ADK: variants seen among roughly 807,000 people sequenced by gnomAD.
The protein encoded by ADK is adenosine kinase, also known as N6,N6-dimethyladenosine kinase.
ADK carries 24 observed loss-of-function variants against 44.7 expected under a neutral mutation model. The observed-to-expected ratio is 0.54, with a 90% CI of 0.39 to 0.76. The LOEUF (loss-of-function observed/expected upper bound fraction) is 0.76, where lower values mean the gene tolerates loss of function less well. Ranked by LOEUF, ADK falls within the 30% of genes least tolerant of loss-of-function variation. ADK has a pLI of 0.00. For synonymous variants in ADK, 128 were observed against 142.6 expected, an observed-to-expected ratio of 0.90 and a Z score of 0.73; for missense variants, 321 against 425.1, an observed-to-expected ratio of 0.76 and a Z score of 2.15.
chr10:74,350,964 A>G (rs1365303456), intron 4 of ADK, among the ~76,000 whole-genome samples: 1 of 152,210 alleles, frequency 6.6e-6, no homozygotes, highest in Non-Finnish European at 1.5e-5. Context: ...AAAGCCCAGG[A>G]CCATACAGAT....
chr10:74,685,768 G>C (rs962660531), intron 10 of ADK, among the ~76,000 whole-genome samples: 1 of 152,124 alleles, frequency 6.6e-6, no homozygotes, highest in Non-Finnish European at 1.5e-5. Flanking sequence ...GAGAGAGCTC[G>C]TTGGATGGGG....
intron 7 of ADK, among the ~76,000 whole-genome samples, chr10:74,541,493 T>C (rs1849624376): frequency 6.6e-6 from 1 of 152,208 alleles, no homozygotes; most frequent in Admixed American, 6.5e-5. Flanking sequence ...TCTTTGTCTT[T>C]ATGACCATGA....
At position 74,708,599 on chromosome 10, in the gene ADK, C is replaced by T; in HGVS notation, c.*154C>T. ...TAGAGGGTACAAGGGTATGGTAATG[C>T]TTGTAGAATCTTTATTATCTCAACA... is the stretch of plus-strand genomic sequence containing the variant. On this transcript the variant is annotated 3_prime_UTR_variant, in exon 11 of 11. Transcript: ENST00000539909. 1 of 778,080 alleles carries T rather than the reference C, an allele frequency of 1.3e-6. No individual in the cohort carries two copies. 48.2% of individuals were successfully genotyped at this position (778,080 alleles called of 1,614,324 possible).
At chr10:74,490,041 A>G (rs182029993) in intron 6 of ADK, among the ~76,000 whole-genome samples, 5 of 151,974 alleles carry the variant, frequency 3.3e-5, no homozygotes, top group African/African-American at 9.7e-5. Flanking sequence ...AAAGCATTGG[A>G]GCATGTAACC....
chr10:74,637,998 C>T (rs962711811), intron 9 of ADK, among the ~76,000 whole-genome samples: 1 of 152,146 alleles, frequency 6.6e-6, no homozygotes, highest in African/African-American at 2.4e-5. Flanking sequence ...AAGGAAATGA[C>T]TTTCATCTTA....
intron 7 of ADK, chr10:74,527,908 G>A: frequency 2.5e-6 from 2 of 804,244 alleles, no homozygotes. Flanking sequence ...GATTGTGAAA[G>A]CTGTCATCTA....
chr10:74,533,017 A>G (rs1356444286), intron 7 of ADK, among the ~76,000 whole-genome samples: 2 of 151,854 alleles, frequency 1.3e-5, no homozygotes, highest in Admixed American at 6.6e-5. Context: ...ATTTTTCTAT[A>G]TTAGCAAGAA....
intron 7 of ADK, among the ~76,000 whole-genome samples, chr10:74,573,566 G>A (rs1439675915): frequency 6.6e-6 from 1 of 152,230 alleles, no homozygotes; most frequent in Non-Finnish European, 1.5e-5. Context: ...AGTCTGCAGA[G>A]GTTACTGCTG....
chr10:74,266,464 G>C (rs1480254759), intron 3 of ADK, among the ~76,000 whole-genome samples: 1 of 152,100 alleles, frequency 6.6e-6, no homozygotes, highest in East Asian at 1.9e-4. Context: ...GGCTGAGGCA[G>C]AGAATTGCTT....
At chr10:74,280,415 A>AACACACACACACAC (rs71021599) in intron 3 of ADK, among the ~76,000 whole-genome samples, 1,445 of 144,418 alleles carry the variant, frequency 0.01, 17 homozygotes, top group African/African-American at 0.019. Context: ...AACAAGTTTA[A>AACACACACACACAC]ACACACACAC....
At chr10:74,528,162 C>T (rs1849132797) in intron 7 of ADK, 6 of 997,254 alleles carry the variant, frequency 6.0e-6, no homozygotes, top group Non-Finnish European at 8.8e-6. Flanking sequence ...AGAAGTTTCA[C>T]TTGTTTCTCA....
chr10:74,681,058 T>A (rs1855585444), intron 10 of ADK, among the ~76,000 whole-genome samples: 1 of 152,248 alleles, frequency 6.6e-6, no homozygotes, highest in African/African-American at 2.4e-5. Context: ...ATCCTTCTTA[T>A]GAATTAGGGC....
At chr10:74,581,570 T>C (rs1381017099) in intron 7 of ADK, among the ~76,000 whole-genome samples, 1 of 150,906 alleles carries the variant, frequency 6.6e-6, no homozygotes, top group African/African-American at 2.4e-5. Flanking sequence ...TCCAAAAAGC[T>C]CAACAAACCA....
At chr10:74,387,804 C>T (rs991075065) in intron 4 of ADK, among the ~76,000 whole-genome samples, 1 of 152,164 alleles carries the variant, frequency 6.6e-6, no homozygotes, top group Non-Finnish European at 1.5e-5. Context: ...ATAACAAGAG[C>T]CCTTTCCTTC....
At chr10:74,204,202 G>A (rs990612136) in intron 2 of ADK, among the ~76,000 whole-genome samples, 4 of 151,924 alleles carry the variant, frequency 2.6e-5, no homozygotes, top group African/African-American at 4.8e-5. Context: ...TGATCCACCC[G>A]TCTTGGCCTC....
rs570307455 is a variant in ADK, at chr10:74,182,530, G to A, written c.66-18234G>A. On this transcript the variant is annotated intron_variant, in intron 1 of 10. Coordinates refer to ENST00000539909, the MANE Select transcript of ADK (RefSeq NM_006721.4). ...ATTACAGGCACATGCCACCATGCCC[G>A]GCTAATTTTTGTATTTTTAGTAGAG... 2.8e-4 allele frequency among the ~76,000 whole-genome samples: 42 copies of A among 152,002 alleles called. No individual in the cohort carries two copies. The East Asian group carries it at 7.7e-3, about 28-fold the overall frequency.
At chr10:74,533,665 A>C (rs932300021) in intron 7 of ADK, among the ~76,000 whole-genome samples, 3 of 152,228 alleles carry the variant, frequency 2.0e-5, no homozygotes, top group African/African-American at 7.2e-5. Flanking sequence ...TGGTAAGGAT[A>C]TATGGAGCAG....
At chr10:74,284,709 T>C (rs932914621) in intron 3 of ADK, among the ~76,000 whole-genome samples, 12 of 152,224 alleles carry the variant, frequency 7.9e-5, no homozygotes, top group African/African-American at 2.9e-4. Context: ...CTCCCTTTAG[T>C]AGTAATTCTC....
intron 7 of ADK, chr10:74,527,948 G>T: frequency 1.3e-6 from 1 of 772,390 alleles, no homozygotes; most frequent in Non-Finnish European, 2.3e-6. Context: ...TGTGGCCTTT[G>T]GATGAGAAGG....
Sources: gnomAD v4.1 joint callset for allele counts (sites outside exome capture counted in the v4.1 genomes callset) on GRCh38, gnomAD v4.1.1 for gene constraint, MANE v1.5 for transcripts, NCBI Gene and HGNC (gene_info 2026-07-23, HGNC 2026-07-21) for gene names.